The following SAMD12 variants were observed in gnomAD, a reference collection of about 807,000 sequenced individuals.
The protein encoded by SAMD12 is sterile alpha motif domain containing 12, also known as sterile alpha motif domain-containing protein 12.
A neutral mutation model predicts 15.0 loss-of-function variants in SAMD12; 9 were observed. The observed-to-expected ratio is 0.60, with a 90% confidence interval of 0.36 to 1.05. SAMD12 has a LOEUF of 1.05. SAMD12 is among the 50% of genes least tolerant of loss of function. The pLI, the probability that SAMD12 is intolerant of heterozygous loss-of-function variation, is 0.01. For synonymous variants in SAMD12, 86 were observed against 90.1 expected (o/e 0.96, Z 0.25); for missense variants, 230 against 234.2 (o/e 0.98, Z 0.12).
intron 4 of SAMD12, among the ~76,000 whole-genome samples, chr8:118,321,149 ATATATATATATATAT>A (rs1816249413): frequency 1.6e-4 from 2 of 12,550 alleles, no homozygotes; most frequent in East Asian, 1.0e-3. Flanking sequence ...TAATAAATAT[ATATATATATATATAT>A]ATATATATAT....
chr8:118,421,989 C>T (rs527376523), intron 3 of SAMD12, among the ~76,000 whole-genome samples: 37 of 152,112 alleles, frequency 2.4e-4, no homozygotes, highest in African/African-American at 7.7e-4. Flanking sequence ...ACAGGAAGAC[C>T]GACTGGAACA....
intron 2 of SAMD12, among the ~76,000 whole-genome samples, chr8:118,554,231 C>T (rs1586814763): frequency 6.6e-6 from 1 of 152,236 alleles, no homozygotes; most frequent in African/African-American, 2.4e-5. Context: ...GACACATGCA[C>T]ACGTATGTTT....
At chr8:118,247,429 A>G (rs946642840) in intron 4 of SAMD12, among the ~76,000 whole-genome samples, 1 of 152,110 alleles carries the variant, frequency 6.6e-6, no homozygotes, top group African/African-American at 2.4e-5. Context: ...TGTTCTCGCT[A>G]TAAAGAAATG....
chr8:118,228,323 A>G (rs1057235060), intron 4 of SAMD12, among the ~76,000 whole-genome samples: 1 of 152,214 alleles, frequency 6.6e-6, no homozygotes, highest in Non-Finnish European at 1.5e-5. Flanking sequence ...GGCAAAAGGA[A>G]CAGTCGGCAG....
chr8:118,435,626 CACCTAAGGG>C (rs1171685429), intron 3 of SAMD12, among the ~76,000 whole-genome samples: 2 of 152,166 alleles, frequency 1.3e-5, no homozygotes, highest in African/African-American at 4.8e-5. Flanking sequence ...GACTTTGAAG[CACCTAAGGG>C]AAAATTTTGT....
At chr8:118,177,276 T>C in the SAMD12 span, among the ~76,000 whole-genome samples, 40 of 151,602 alleles carry the variant, frequency 2.6e-4, no homozygotes, top group African/African-American at 9.2e-4. Flanking sequence ...GATCTCATTC[T>C]GTCACCCAGG....
the SAMD12 span, among the ~76,000 whole-genome samples, chr8:118,159,163 C>T: frequency 6.6e-6 from 1 of 152,064 alleles, no homozygotes; most frequent in Non-Finnish European, 1.5e-5. Flanking sequence ...GAGCCCAGAC[C>T]TAGAAACTCC....
intron 4 of SAMD12, among the ~76,000 whole-genome samples, chr8:118,370,116 T>C (rs908965220): frequency 6.6e-6 from 1 of 151,978 alleles, no homozygotes; most frequent in Non-Finnish European, 1.5e-5. Flanking sequence ...CATTAAAAAG[T>C]GGGCAAAGGA....
intron 1 of SAMD12, among the ~76,000 whole-genome samples, chr8:118,599,800 A>T (rs1487068373): frequency 6.6e-6 from 1 of 152,124 alleles, no homozygotes; most frequent in Non-Finnish European, 1.5e-5. Flanking sequence ...CTCCCACCAT[A>T]TGTAAACCTG....
intron 1 of SAMD12, among the ~76,000 whole-genome samples, chr8:118,584,940 C>CAT (rs1317666489): frequency 6.6e-6 from 1 of 151,464 alleles, no homozygotes; most frequent in Non-Finnish European, 1.5e-5. Flanking sequence ...CACACACACA[C>CAT]ACACACACAC....
chr8:118,432,527 G>T (rs1281355253), intron 3 of SAMD12, among the ~76,000 whole-genome samples: 1 of 152,006 alleles, frequency 6.6e-6, no homozygotes, highest in Non-Finnish European at 1.5e-5. Flanking sequence ...AGGACCTAGG[G>T]GTGTGTTTCA....
intron 4 of SAMD12, among the ~76,000 whole-genome samples, chr8:118,361,874 A>G (rs1221932443): frequency 2.6e-5 from 4 of 152,200 alleles, no homozygotes; most frequent in Admixed American, 2.0e-4. Flanking sequence ...AAATATGATG[A>G]GCCCAAGTCC....
chr8:118,366,884 T>TAAAATAAA (rs1818822508), intron 4 of SAMD12, among the ~76,000 whole-genome samples: 1 of 43,398 alleles, frequency 2.3e-5, no homozygotes, highest in Admixed American at 2.5e-4. Flanking sequence ...AATAAAATAA[T>TAAAATAAA]AAAATAAAAT....
At chr8:118,547,699 C>T (rs1826172256) in intron 2 of SAMD12, among the ~76,000 whole-genome samples, 1 of 152,172 alleles carries the variant, frequency 6.6e-6, no homozygotes, top group South Asian at 2.1e-4. Context: ...TTATAGTATA[C>T]ATCCCAAACT....
chr8:118,422,964 T>C (rs1822064552), intron 3 of SAMD12, among the ~76,000 whole-genome samples: 1 of 152,032 alleles, frequency 6.6e-6, no homozygotes, highest in African/African-American at 2.4e-5. Flanking sequence ...GGGAACATCT[T>C]TTTTTCCTCG....
chr8:118,591,898 A>G (rs2131280828), intron 1 of SAMD12, among the ~76,000 whole-genome samples: 2 of 152,318 alleles, frequency 1.3e-5, no homozygotes, highest in South Asian at 4.1e-4. Context: ...TTTGGGAGGG[A>G]AGAAGGAAAA....
chr8:118,434,062 T>G (rs529319986), intron 3 of SAMD12, among the ~76,000 whole-genome samples: 23 of 152,136 alleles, frequency 1.5e-4, no homozygotes, highest in Non-Finnish European at 2.6e-4. Flanking sequence ...AAATCAGCCC[T>G]GAAGAGAACA....
At chr8:118,278,521 C>T (rs530986276) in intron 4 of SAMD12, among the ~76,000 whole-genome samples, 4 of 152,292 alleles carry the variant, frequency 2.6e-5, no homozygotes, top group South Asian at 2.1e-4. Flanking sequence ...ACCATGGACA[C>T]GGGCCAGTTT....
chr8:118,352,815 AG>A (rs1241144073), intron 4 of SAMD12, among the ~76,000 whole-genome samples: 1 of 152,178 alleles, frequency 6.6e-6, no homozygotes, highest in African/African-American at 2.4e-5. Context: ...CACTGTAGAA[AG>A]GGGTACATGC....
Sources: gnomAD v4.1 joint callset for allele counts (sites outside exome capture counted in the v4.1 genomes callset) on GRCh38, gnomAD v4.1.1 for gene constraint, MANE v1.5 for transcripts, NCBI Gene and HGNC (gene_info 2026-07-23, HGNC 2026-07-21) for gene names.